CAMK4: variants seen among roughly 807,000 people sequenced by gnomAD.
The protein encoded by CAMK4 is calcium/calmodulin-dependent protein kinase type IV.
In CAMK4, 22 loss-of-function variants were observed where a neutral mutation model predicts 44.9. The observed-to-expected ratio is 0.49, with a 90% CI of 0.35 to 0.70. The LOEUF is 0.70. CAMK4 is among the 30% of genes least tolerant of loss of function. The probability of loss-of-function intolerance (pLI) is 0.01; values close to 1 mark genes in which losing one functional copy is unlikely to be tolerated. For missense variants in CAMK4, 498 were observed against 586.8 expected (o/e 0.85, Z 1.56); for synonymous variants, 218 against 215.4 (o/e 1.01, Z -0.11).
chr5:111,282,277 C>G (rs1408418196), intron 1 of CAMK4, among the ~76,000 whole-genome samples: 2 of 149,640 alleles, frequency 1.3e-5, no homozygotes, highest in East Asian at 1.9e-4. Flanking sequence ...TTATTTTACT[C>G]TTAAATTAGG....
chr5:111,467,974 T>C (rs1188599964), intron 7 of CAMK4, among the ~76,000 whole-genome samples: 2 of 94,184 alleles, frequency 2.1e-5, no homozygotes, highest in African/African-American at 6.9e-5. Flanking sequence ...ACACACACCA[T>C]GGAATACTAC....
rs141022347 is a variant in CAMK4, at chr5:111,253,372, C to G, written c.161+28728C>G. ...AGCAGGTGCCGGCTGCCCTGCTTGC[C>G]CCGGAACCTGGGAGGAGAGACATTT... On this transcript the variant is annotated intron_variant, in intron 1 of 10. Coordinates refer to ENST00000282356, the MANE Select transcript of CAMK4 (RefSeq NM_001744.6). 9.4e-3 allele frequency among the ~76,000 whole-genome samples: 1,428 copies of G among 152,274 alleles called. 10 individuals carry two copies. Among genetic ancestry groups the G allele is most frequent in the Middle Eastern group, 0.017 (5 of 294 alleles).
intron 4 of CAMK4, 77 bp downstream of exon 4, chr5:111,377,019 C>G (rs1278883525): frequency 2.3e-6 from 2 of 868,564 alleles, no homozygotes; most frequent in Admixed American, 2.3e-5. Context: ...GACATTTCTC[C>G]TGAAACTTTT....
intron 1 of CAMK4, among the ~76,000 whole-genome samples, chr5:111,243,640 C>T (rs548288739): frequency 4.8e-4 from 73 of 152,270 alleles, no homozygotes; most frequent in African/African-American, 1.7e-3. Flanking sequence ...CCCTCTCTGC[C>T]AATATCTTCT....
intron 7 of CAMK4, among the ~76,000 whole-genome samples, chr5:111,450,313 G>A (rs993720679): frequency 6.6e-6 from 1 of 152,088 alleles, no homozygotes; most frequent in Non-Finnish European, 1.5e-5. Context: ...CAGCCTGGGC[G>A]ACAGAGACTC....
At chr5:111,335,096 A>G (rs901281272) in intron 1 of CAMK4, among the ~76,000 whole-genome samples, 9 of 151,532 alleles carry the variant, frequency 5.9e-5, no homozygotes, top group African/African-American at 1.9e-4. Context: ...CTTCTGTGTG[A>G]TAAGAGATTC....
intron 1 of CAMK4, among the ~76,000 whole-genome samples, chr5:111,276,463 G>T (rs553743496): frequency 1.3e-5 from 2 of 152,164 alleles, no homozygotes; most frequent in Admixed American, 6.5e-5. Context: ...ATGGTGACAT[G>T]TGTCTGTAGT....
chr5:111,479,557 C>A (rs969606839), intron 9 of CAMK4, among the ~76,000 whole-genome samples: 7 of 152,154 alleles, frequency 4.6e-5, no homozygotes, highest in African/African-American at 1.4e-4. Context: ...GTCCTCCTCT[C>A]ATTTTAAAGA....
intron 8 of CAMK4, among the ~76,000 whole-genome samples, chr5:111,477,976 A>T (rs771031884): frequency 6.6e-6 from 1 of 152,096 alleles, no homozygotes. Flanking sequence ...TTGGAAGTCT[A>T]TTCAATCTCT....
intron 7 of CAMK4, among the ~76,000 whole-genome samples, chr5:111,451,527 A>G (rs1006085750): frequency 6.6e-6 from 1 of 151,968 alleles, no homozygotes; most frequent in African/African-American, 2.4e-5. Flanking sequence ...GCCTGAAGTG[A>G]TCCTCCAGCC....
intron 7 of CAMK4, among the ~76,000 whole-genome samples, chr5:111,454,755 T>A (rs1308279288): frequency 1.3e-5 from 2 of 152,064 alleles, no homozygotes; most frequent in African/African-American, 4.8e-5. Context: ...GGTCTAGATA[T>A]TTAAGGCTTG....
At chr5:111,374,649 T>G (rs1751141577) in intron 2 of CAMK4, among the ~76,000 whole-genome samples, 2 of 152,092 alleles carry the variant, frequency 1.3e-5, no homozygotes, top group Admixed American at 1.3e-4. Context: ...TGCATACTAG[T>G]TTCTGGCTGT....
intron 1 of CAMK4, among the ~76,000 whole-genome samples, chr5:111,283,276 A>T (rs1432765599): frequency 6.6e-6 from 1 of 152,058 alleles, no homozygotes; most frequent in African/African-American, 2.4e-5. Flanking sequence ...TTAGACTTAT[A>T]TGTAGATCTT....
chr5:111,283,395 A>T (rs890470843), intron 1 of CAMK4, among the ~76,000 whole-genome samples: 2 of 152,232 alleles, frequency 1.3e-5, no homozygotes, highest in African/African-American at 2.4e-5. Flanking sequence ...AAATTCTTTA[A>T]TCACTGCTTG....
At chr5:111,342,416 C>G (rs76636811) in intron 1 of CAMK4, among the ~76,000 whole-genome samples, 82 of 151,564 alleles carry the variant, frequency 5.4e-4, no homozygotes, top group Non-Finnish European at 1.0e-3. Context: ...TATTAATAAG[C>G]TGTTCCTGCT....
At chr5:111,299,376 C>T (rs1020217843) in intron 1 of CAMK4, among the ~76,000 whole-genome samples, 1 of 152,008 alleles carries the variant, frequency 6.6e-6, no homozygotes, top group African/African-American at 2.4e-5. Context: ...AAAGGCATGT[C>T]GAAACTCTCT....
At chr5:111,440,926 A>G (rs1366830093) in intron 5 of CAMK4, among the ~76,000 whole-genome samples, 1 of 152,244 alleles carries the variant, frequency 6.6e-6, no homozygotes, top group Non-Finnish European at 1.5e-5. Flanking sequence ...CCATTTACAC[A>G]TAGAATATCT....
intron 1 of CAMK4, 117 bp from the exon 2 acceptor site, chr5:111,343,907 T>G (rs1025254720): frequency 1.6e-6 from 1 of 634,430 alleles, no homozygotes; most frequent in African/African-American, 1.9e-5. Flanking sequence ...ATAATAGAAC[T>G]TATAATAAGC....
chr5:111,317,569 CA>C (rs1484099854), intron 1 of CAMK4, among the ~76,000 whole-genome samples: 1 of 152,092 alleles, frequency 6.6e-6, no homozygotes, highest in Non-Finnish European at 1.5e-5. Flanking sequence ...TCAGACCCTA[CA>C]AAGAGTTTGA....
Sources: gnomAD v4.1 joint callset for allele counts (sites outside exome capture counted in the v4.1 genomes callset) on GRCh38, gnomAD v4.1.1 for gene constraint, MANE v1.5 for transcripts, NCBI Gene and HGNC (gene_info 2026-07-23, HGNC 2026-07-21) for gene names.